The following NAALADL2 variants were observed in gnomAD, a reference collection of about 807,000 sequenced individuals.
NAALADL2 encodes the protein N-acetylated alpha-linked acidic dipeptidase like 2, also known as inactive N-acetylated-alpha-linked acidic dipeptidase-like protein 2.
In NAALADL2, 76 loss-of-function variants were observed where a neutral mutation model predicts 87.2. The observed-to-expected ratio is 0.87, with a 90% CI of 0.72 to 1.05. The LOEUF (loss-of-function observed/expected upper bound fraction) is 1.05. Ranked by LOEUF, NAALADL2 falls within the 50% of genes least tolerant of loss-of-function variation. The probability of loss-of-function intolerance (pLI) is 0.00; values close to 1 mark genes in which losing one functional copy is unlikely to be tolerated. For missense variants in NAALADL2, 1,089 were observed against 945.8 expected (o/e 1.15, Z -1.99); for synonymous variants, 354 against 331.0 (o/e 1.07, Z -0.75).
chr3:174,965,387 G>T (rs748547724), intron 1 of NAALADL2, among the ~76,000 whole-genome samples: 1 of 151,900 alleles, frequency 6.6e-6, no homozygotes, highest in Admixed American at 6.6e-5. Context: ...TATTCTATTC[G>T]TTAACATTAT....
At chr3:175,110,691 G>T (rs1470246412) in intron 2 of NAALADL2, among the ~76,000 whole-genome samples, 1 of 151,784 alleles carries the variant, frequency 6.6e-6, no homozygotes, top group Non-Finnish European at 1.5e-5. Context: ...AGAGCAAATT[G>T]AATAACAAAG....
chr3:174,624,778 A>G (rs1223238318), intron 2 of NAALADL2, among the ~76,000 whole-genome samples: 1 of 152,202 alleles, frequency 6.6e-6, no homozygotes, highest in Non-Finnish European at 1.5e-5. Flanking sequence ...GTGCCTTGTT[A>G]GTAGTCACTC....
At chr3:174,896,544 C>T (rs1355613384) in intron 1 of NAALADL2, among the ~76,000 whole-genome samples, 1 of 152,072 alleles carries the variant, frequency 6.6e-6, no homozygotes, top group Non-Finnish European at 1.5e-5. Context: ...AAAAGTATTC[C>T]TTATCCATGG....
chr3:175,586,611 T>C (rs1419322462), intron 10 of NAALADL2, among the ~76,000 whole-genome samples: 1 of 152,242 alleles, frequency 6.6e-6, no homozygotes, highest in Non-Finnish European at 1.5e-5. Flanking sequence ...GTTTATGTAG[T>C]ACTGAAAGTG....
intron 2 of NAALADL2, among the ~76,000 whole-genome samples, chr3:175,101,282 A>G (rs1420338228): frequency 6.6e-6 from 1 of 152,144 alleles, no homozygotes; most frequent in Non-Finnish European, 1.5e-5. Flanking sequence ...TTCTATTCCT[A>G]TTCTCCAGGA....
rs534067356 is a variant in NAALADL2 at position 175,472,713 on chromosome 3, C to G, written c.1653+955C>G. ...AGCTTAATAGTTTTTATTGGCATTT[C>G]CATATGTAGTACAATAAAGAAGACA... On this transcript the variant is annotated intron_variant, in intron 9 of 13. Coordinates refer to ENST00000454872, the MANE Select transcript of NAALADL2 (RefSeq NM_207015.3). Among the ~76,000 whole-genome samples, 5 of 152,212 alleles carry G rather than the reference C, an allele frequency of 3.3e-5. No homozygotes were observed. In the South Asian group the frequency reaches 6.2e-4, roughly 19 times the overall value.
At chr3:174,612,413 G>T (rs2902070) in intron 2 of NAALADL2, among the ~76,000 whole-genome samples, 1 of 151,918 alleles carries the variant, frequency 6.6e-6, no homozygotes, top group Non-Finnish European at 1.5e-5. Flanking sequence ...CTTTAAGGCC[G>T]ATAACTCTTA....
intron 6 of NAALADL2, among the ~76,000 whole-genome samples, chr3:175,455,558 G>A (rs181960526): frequency 5.9e-5 from 9 of 152,072 alleles, no homozygotes; most frequent in East Asian, 1.9e-4. Flanking sequence ...AAAAGAATAC[G>A]ATTTAATTCA....
chr3:174,557,000 C>T (rs1712907889), intron 2 of NAALADL2, among the ~76,000 whole-genome samples: 1 of 152,164 alleles, frequency 6.6e-6, no homozygotes, highest in Admixed American at 6.5e-5. Flanking sequence ...CCCTCCTTGG[C>T]CTCCCAAAGT....
chr3:174,708,027 A>G (rs935431271), intron 2 of NAALADL2, among the ~76,000 whole-genome samples: 2 of 152,198 alleles, frequency 1.3e-5, no homozygotes, highest in Admixed American at 6.5e-5. Context: ...TTCAATACAA[A>G]AAAAATCTCT....
At chr3:174,443,703 G>A (rs559962468) in intron 1 of NAALADL2, among the ~76,000 whole-genome samples, 4 of 152,262 alleles carry the variant, frequency 2.6e-5, no homozygotes, top group African/African-American at 9.6e-5. Context: ...ATAAAATCTG[G>A]TACATAATGG....
At chr3:175,037,204 C>G (rs912901060) in intron 1 of NAALADL2, among the ~76,000 whole-genome samples, 51 of 152,254 alleles carry the variant, frequency 3.3e-4, no homozygotes, top group African/African-American at 1.1e-3. Flanking sequence ...TCCCACTTGT[C>G]CTCCAGGACA....
At chr3:174,944,548 G>A (rs1321561105) in intron 1 of NAALADL2, among the ~76,000 whole-genome samples, 1 of 152,150 alleles carries the variant, frequency 6.6e-6, no homozygotes, top group African/African-American at 2.4e-5. Context: ...GACTGTCACT[G>A]CTTAGCATCC....
At chr3:175,487,583 A>G (rs1365752329) in intron 9 of NAALADL2, 1 of 454,382 alleles carries the variant, frequency 2.2e-6, no homozygotes, top group Non-Finnish European at 4.4e-6. Context: ...GAGCTCTTAT[A>G]TGAAGAGAAT....
chr3:175,049,460 A>G (rs2109012107), intron 1 of NAALADL2, among the ~76,000 whole-genome samples: 1 of 152,322 alleles, frequency 6.6e-6, no homozygotes, highest in Middle Eastern at 3.4e-3. Flanking sequence ...TAAAAAATAG[A>G]CGCAGACTTT....
intron 2 of NAALADL2, among the ~76,000 whole-genome samples, chr3:175,146,714 G>GT (rs1416510600): frequency 6.6e-6 from 1 of 152,072 alleles, no homozygotes; most frequent in Non-Finnish European, 1.5e-5. Context: ...GTTTTCCCTT[G>GT]TAATTACTTG....
intron 1 of NAALADL2, among the ~76,000 whole-genome samples, chr3:174,533,264 A>G (rs1214612414): frequency 6.6e-6 from 1 of 151,406 alleles, no homozygotes; most frequent in Non-Finnish European, 1.5e-5. Context: ...CCAAGGAGGC[A>G]CCCCTCTGCA....
chr3:174,548,083 A>G (rs1711600972), intron 1 of NAALADL2, among the ~76,000 whole-genome samples: 1 of 152,188 alleles, frequency 6.6e-6, no homozygotes, highest in Non-Finnish European at 1.5e-5. Context: ...TCTGATCTAG[A>G]CATCTAATTT....
chr3:175,040,947 A>G (rs1281385629), intron 1 of NAALADL2, among the ~76,000 whole-genome samples: 3 of 152,186 alleles, frequency 2.0e-5, no homozygotes, highest in African/African-American at 4.8e-5. Context: ...CGGTGCTTGC[A>G]TGCCACTGCA....
Sources: gnomAD v4.1 joint callset for allele counts (sites outside exome capture counted in the v4.1 genomes callset) on GRCh38, gnomAD v4.1.1 for gene constraint, MANE v1.5 for transcripts, NCBI Gene and HGNC (gene_info 2026-07-23, HGNC 2026-07-21) for gene names.